Variants in NRG3 observed in about 807,000 individuals in gnomAD.
NRG3 encodes pro-neuregulin-3, membrane-bound isoform.
Under a neutral mutation model 66.9 loss-of-function variants are expected in NRG3, and 31 were observed. That is an observed-to-expected ratio of 0.46 (90% CI 0.35 to 0.63). The LOEUF (loss-of-function observed/expected upper bound fraction) is 0.63. Ranked by LOEUF, NRG3 falls within the 20% of genes least tolerant of loss-of-function variation. The probability of loss-of-function intolerance (pLI) is 0.00; values close to 1 mark genes in which losing one functional copy is unlikely to be tolerated. For synonymous variants in NRG3, 393 were observed against 359.4 expected, an observed-to-expected ratio of 1.09 and a Z score of -1.06; for missense variants, 910 against 878.9, an observed-to-expected ratio of 1.04 and a Z score of -0.45.
At chr10:82,098,964 A>G (rs1469909947) in intron 1 of NRG3, among the ~76,000 whole-genome samples, 1 of 152,048 alleles carries the variant, frequency 6.6e-6, no homozygotes, top group East Asian at 1.9e-4. Flanking sequence ...ATGGGGTTTC[A>G]CCGTGTTAGC....
chr10:82,872,591 A>G (rs879375711), intron 4 of NRG3, among the ~76,000 whole-genome samples: 2 of 152,194 alleles, frequency 1.3e-5, no homozygotes, highest in African/African-American at 2.4e-5. Flanking sequence ...ACTATATGCC[A>G]GATGTATAAG....
At chr10:82,793,485 G>C (rs975943444) in intron 3 of NRG3, among the ~76,000 whole-genome samples, 1 of 152,118 alleles carries the variant, frequency 6.6e-6, no homozygotes, top group East Asian at 1.9e-4. Flanking sequence ...CCAGGAACTA[G>C]AAATCTGAAA....
intron 3 of NRG3, among the ~76,000 whole-genome samples, chr10:82,837,743 A>G (rs2062849906): frequency 6.6e-6 from 1 of 152,132 alleles, no homozygotes; most frequent in African/African-American, 2.4e-5. Flanking sequence ...TGCTGTTGAG[A>G]AAAAGAACAG....
intron 2 of NRG3, among the ~76,000 whole-genome samples, chr10:82,522,973 C>T (rs1391682942): frequency 6.6e-6 from 1 of 152,180 alleles, no homozygotes; most frequent in East Asian, 1.9e-4. Context: ...TGTACTTTCT[C>T]TATAAATGTG....
intron 2 of NRG3, among the ~76,000 whole-genome samples, chr10:82,596,181 ATCAG>A (rs1472514503): frequency 7.2e-5 from 11 of 152,166 alleles, no homozygotes; most frequent in East Asian, 1.9e-4. Flanking sequence ...GTCTCATACA[ATCAG>A]TCAGAGACAA....
rs149818333 is a variant in NRG3 at position 82,608,638 on chromosome 10, G to T, written c.954-129939G>T. On this transcript the variant is annotated intron_variant, in intron 2 of 8. Transcript: ENST00000372141. ...TAAAGTGAGACTGTGTCTCTGGGCTGTCACTTCTACAATTTGTTCTCAACC... is the reference window on the plus strand; with the variant it reads ...TAAAGTGAGACTGTGTCTCTGGGCTTTCACTTCTACAATTTGTTCTCAACC... 5.4e-3 allele frequency among the ~76,000 whole-genome samples: 828 copies of T among 152,228 alleles called. 7 individuals carry two copies. The highest frequency in any genetic ancestry group is 0.019 in the African/African-American group (789 of 41,548).
chr10:82,454,302 T>A (rs1320201650), intron 2 of NRG3, among the ~76,000 whole-genome samples: 1 of 152,194 alleles, frequency 6.6e-6, no homozygotes, highest in Admixed American at 6.5e-5. Flanking sequence ...ATTTTACCTA[T>A]TTGTAATGGG....
chr10:82,779,121 G>A (rs1204038246), intron 3 of NRG3, among the ~76,000 whole-genome samples: 1 of 152,114 alleles, frequency 6.6e-6, no homozygotes, highest in East Asian at 1.9e-4. Flanking sequence ...ACGGACCACA[G>A]GGGGTGGGGT....
intron 1 of NRG3, among the ~76,000 whole-genome samples, chr10:82,008,267 A>G (rs554127853): frequency 1.3e-5 from 2 of 152,342 alleles, no homozygotes; most frequent in African/African-American, 2.4e-5. Context: ...TTGGAAGGTC[A>G]GGGAAAGACA....
chr10:82,000,765 A>C (rs1468684610), intron 1 of NRG3, among the ~76,000 whole-genome samples: 1 of 152,174 alleles, frequency 6.6e-6, no homozygotes, highest in African/African-American at 2.4e-5. Context: ...TAGGAAATTT[A>C]CTTAATAGGC....
chr10:82,380,003 T>C (rs2085507317), intron 2 of NRG3, among the ~76,000 whole-genome samples: 1 of 151,816 alleles, frequency 6.6e-6, no homozygotes, highest in Non-Finnish European at 1.5e-5. Flanking sequence ...TAATATTCAA[T>C]ATTAAATTGT....
chr10:82,693,687 G>A (rs1050883263), intron 2 of NRG3, among the ~76,000 whole-genome samples: 3 of 152,168 alleles, frequency 2.0e-5, no homozygotes, highest in African/African-American at 7.2e-5. Flanking sequence ...CACGGACCTT[G>A]CAGTGAGTGT....
At chr10:82,383,323 C>T (rs560199994) in intron 2 of NRG3, among the ~76,000 whole-genome samples, 1 of 151,702 alleles carries the variant, frequency 6.6e-6, no homozygotes, top group South Asian at 2.1e-4. Flanking sequence ...TTTTCTGTCC[C>T]CAAATGAGTG....
intron 1 of NRG3, among the ~76,000 whole-genome samples, chr10:82,002,919 G>T (rs1230466719): frequency 6.6e-6 from 1 of 152,192 alleles, no homozygotes; most frequent in Non-Finnish European, 1.5e-5. Flanking sequence ...TTGGAAGAGG[G>T]GGAGAGCAGT....
intron 1 of NRG3, among the ~76,000 whole-genome samples, chr10:82,338,013 C>T (rs1262586019): frequency 1.3e-5 from 2 of 152,198 alleles, no homozygotes; most frequent in Non-Finnish European, 2.9e-5. Flanking sequence ...GTCCCATGTA[C>T]ATATGCTTCA....
At chr10:82,329,012 C>T (rs2082007667) in intron 1 of NRG3, among the ~76,000 whole-genome samples, 1 of 152,174 alleles carries the variant, frequency 6.6e-6, no homozygotes, top group African/African-American at 2.4e-5. Context: ...CAGCCATTTT[C>T]TGCATCCTTT....
At chr10:82,244,693 C>G (rs896613862) in intron 1 of NRG3, among the ~76,000 whole-genome samples, 2 of 151,528 alleles carry the variant, frequency 1.3e-5, no homozygotes, top group Non-Finnish European at 2.9e-5. Flanking sequence ...GTACTGAGAG[C>G]GGGGGATGGT....
chr10:82,623,940 C>T (rs1348605900), intron 2 of NRG3, among the ~76,000 whole-genome samples: 3 of 151,918 alleles, frequency 2.0e-5, no homozygotes, highest in African/African-American at 7.3e-5. Flanking sequence ...TTCCTGTTGC[C>T]AGATCAACAC....
chr10:82,707,770 A>T (rs985470770), intron 2 of NRG3, among the ~76,000 whole-genome samples: 1 of 143,784 alleles, frequency 7.0e-6, no homozygotes, highest in African/African-American at 2.6e-5. Flanking sequence ...GCACTTTGGG[A>T]GGCTGAGGTG....
Sources: allele counts gnomAD v4.1 joint callset (sites outside exome capture counted in the v4.1 genomes callset), GRCh38; gene constraint gnomAD v4.1.1; transcripts MANE v1.5; gene names NCBI Gene and HGNC (gene_info 2026-07-23, HGNC 2026-07-21).